ZFHX2: variants seen among roughly 807,000 people sequenced by gnomAD.
ZFHX2 encodes the protein zinc finger homeobox 2.
ZFHX2 carries 75 observed loss-of-function variants against 164.8 expected under a neutral mutation model. The ratio of observed to expected loss-of-function variants is 0.46; its 90% CI spans 0.38 to 0.55. The LOEUF is 0.55. Ranked by LOEUF, ZFHX2 falls within the 20% of genes least tolerant of loss-of-function variation. The probability of loss-of-function intolerance (pLI) is 0.00; values close to 1 mark genes in which losing one functional copy is unlikely to be tolerated. For synonymous variants in ZFHX2, 1,217 were observed against 1,351.4 expected, an observed-to-expected ratio of 0.90 and a Z score of 2.18; for missense variants, 2,933 against 3,308.0, an observed-to-expected ratio of 0.89 and a Z score of 2.78.
chr14:23,527,040 A>G, intron 7 of ZFHX2, 67 bp from the exon 8 acceptor site: 1 of 1,442,844 alleles, frequency 6.9e-7, no homozygotes, highest in Non-Finnish European at 9.1e-7. Flanking sequence ...CTCCTGACCC[A>G]TCTGCCCTAC....
Position 23,531,666 on chromosome 14 carries a change from C to G in ZFHX2, c.2615G>C (p.Cys872Ser), listed in dbSNP as rs1229201144. 2 of 1,494,770 alleles carry G rather than the reference C, an allele frequency of 1.3e-6. No homozygotes were observed. Among genetic ancestry groups the G allele is most frequent in the Admixed American group, 4.1e-5 (2 of 48,456 alleles). 92.6% of individuals were successfully genotyped at this position (1,494,770 alleles called of 1,614,324 possible). The change falls in exon 4 of 10, where the codon TGC becomes TCC. Residue 872 changes from cysteine to serine, a missense_variant. Cys to Ser is a moderately radical substitution (Grantham distance 112). Coordinates refer to ENST00000419474, the MANE Select transcript of ZFHX2 (RefSeq NM_033400.3). ...EAGAELGLYHCLLCAWETPSR... is the reference protein window; with the variant it reads ...EAGAELGLYHSLLCAWETPSR... The stretch of plus-strand genomic sequence containing the variant: ...GGGTGTCTCCCACGCACACAACAGG[C>G]AGTGGTATAGCCCCAGCTCTGCCCC...
rs1878344651 is a variant in ZFHX2, at chr14:23,523,739, T to C, written c.6203A>G (p.Tyr2068Cys). The change falls in exon 9 of 10, where the codon TAC (tyrosine) becomes TGC (cysteine). Residue 2068 changes from tyrosine (Y) to cysteine (C), a missense_variant. Physicochemically the swap from Tyr to Cys is radical, Grantham distance 194. Coordinates refer to ENST00000419474, the MANE Select transcript of ZFHX2 (RefSeq NM_033400.3). This position sits in a 1 kb window ranked among gnomAD's most constrained non-coding sequence, Gnocchi z 4.1. ...GVPDGMGQRRYRTQMSSLQLK... is the reference protein window; with the variant it reads ...GVPDGMGQRRCRTQMSSLQLK... ...CTGCAGGCTGCTCATCTGGGTCCTG[T>C]AGCGCCGCTGCCCCATTCCATCTGG... 1.3e-6 allele frequency: 2 copies of C among 1,536,136 alleles called. No individual in the cohort carries two copies. Among genetic ancestry groups the C allele is most frequent in the Admixed American group, 2.0e-5 (1 of 50,978 alleles).
Position 23,524,322 on chromosome 14 carries a change from G to A in ZFHX2, c.5620C>T (p.Arg1874Cys), listed in dbSNP as rs998761295. The change falls in exon 9 of 10, where the codon CGT (arginine) becomes TGT (cysteine). Residue 1874 changes from arginine (R) to cysteine (C), a missense_variant. Arg to Cys is a radical substitution (Grantham distance 180, BLOSUM62 -3). Transcript: ENST00000419474. This position sits in a 1 kb window ranked among gnomAD's most constrained non-coding sequence, Gnocchi z 5.6. Reference sequence around the variant, plus strand: ...GGGTTGGAATCCTGCATGTACCAACGGTACAGGATCTCTAGCTGCTCAGGC... The same window carrying A: ...GGGTTGGAATCCTGCATGTACCAACAGTACAGGATCTCTAGCTGCTCAGGC... ...ILPEQLEILYRWYMQDSNPTR... is the reference protein window; with the variant it reads ...ILPEQLEILYCWYMQDSNPTR... 4 of 1,536,200 alleles carry A rather than the reference G, an allele frequency of 2.6e-6. No homozygotes were observed. The highest frequency in any genetic ancestry group is 2.7e-5 in the African/African-American group (2 of 73,040).
chr14:23,554,445 C>G (rs976123157), upstream of ZFHX2, among the ~76,000 whole-genome samples: 5 of 152,070 alleles, frequency 3.3e-5, no homozygotes, highest in Non-Finnish European at 5.9e-5. Context: ...GTAGCAGGAT[C>G]GTAGCTCACT....
At position 23,526,362 on chromosome 14, in the gene ZFHX2, T is replaced by C; in HGVS notation, c.3580A>G (p.Thr1194Ala). 6.5e-7 allele frequency: 1 copy of C among 1,536,326 alleles called. No homozygotes were observed. The highest frequency in any genetic ancestry group is 8.7e-7 in the Non-Finnish European group (1 of 1,146,904). Residue 1194 changes from threonine (T) to alanine (A), a missense_variant, in exon 9 of 10, where the codon ACT becomes GCT. Coordinates refer to ENST00000419474, the MANE Select transcript of ZFHX2 (RefSeq NM_033400.3). ...TGGGTGAAGGACTCCTTACACACAGTGCACTTATAGGGCCGGGCAGGGTCG... is the reference window on the plus strand; with the variant it reads ...TGGGTGAAGGACTCCTTACACACAGCGCACTTATAGGGCCGGGCAGGGTCG... ...FLDPARPYKCTVCKESFTQKN... is the reference protein window; with the variant it reads ...FLDPARPYKCAVCKESFTQKN...
chr14:23,533,868 G>A lies in ZFHX2; in HGVS notation c.1458C>T (p.Cys486=), dbSNP rs1449901550. 6.5e-7 allele frequency: 1 copy of A among 1,538,134 alleles called. No homozygotes were observed. Among genetic ancestry groups the A allele is most frequent in the Admixed American group, 2.0e-5 (1 of 51,046 alleles). ...HPESNSHCSY[C]SAGGAHPRLA... The stretch of plus-strand genomic sequence containing the variant: ...GGCGGGGGTGGGCGCCCCCAGCACT[G>A]CAGTAGCTGCAGTGACTGTTGCTCT... The change falls in exon 2 of 10, where the codon TGC becomes TGT. Residue 486 remains cysteine, a synonymous_variant. Coordinates refer to ENST00000419474, the MANE Select transcript of ZFHX2 (RefSeq NM_033400.3). The surrounding 1 kb of genome is among the most constrained non-coding windows in gnomAD (Gnocchi z 4.8).
chr14:23,530,130 T>C lies in ZFHX2; in HGVS notation c.2865A>G (p.Thr955=). The C allele has an allele frequency of 6.5e-7, 1 of 1,536,066 alleles. No individual in the cohort carries two copies. The highest frequency in any genetic ancestry group is 1.4e-5 in the African/African-American group (1 of 73,096). Residue 955 remains threonine (T), a synonymous_variant, in exon 5 of 10, where the codon ACA becomes ACG. Coordinates refer to ENST00000419474, the MANE Select transcript of ZFHX2 (RefSeq NM_033400.3). ...PTPEKDAQNK[T]EQLASEETEN... is the part of the protein sequence containing the mutation. ...GGAGGGAAAACTCACCCAATTGTTC[T>C]GTCTTGTTCTGGGCATCTTTCTCAG...
chr14:23,525,631 G>A lies in ZFHX2; in HGVS notation c.4311C>T (p.Arg1437=). 1 of 1,535,902 alleles carries A rather than the reference G, an allele frequency of 6.5e-7. No homozygotes were observed. Among genetic ancestry groups the A allele is most frequent in the Middle Eastern group, 1.7e-4 (1 of 5,984 alleles). ...TTTCTAGAAGGGCTTTGGCTGCAGT[G>A]CGGGCAGCCTCGTTGGGCAATGGGT... ...PPDPLPNEAA[R]TAAKALLENF... The change falls in exon 9 of 10, where the codon CGC becomes CGT. Residue 1437 remains arginine, a synonymous_variant. Transcript: ENST00000419474. This position sits in a 1 kb window ranked among gnomAD's most constrained non-coding sequence, Gnocchi z 5.9.
Position 23,532,564 on chromosome 14 carries a change from C to T in ZFHX2, c.2559+3G>A. 7.0e-7 allele frequency: 1 copy of T among 1,437,278 alleles called. No individual in the cohort carries two copies. Among genetic ancestry groups the T allele is most frequent in the Non-Finnish European group, 9.1e-7 (1 of 1,098,860 alleles). 89.0% of individuals were successfully genotyped at this position (1,437,278 alleles called of 1,614,324 possible). A position where few individuals can be genotyped will look rare whatever the true frequency, so the allele number is the denominator to read the frequency against. On this transcript the variant is annotated splice_donor_region_variant and intron_variant, in intron 3 of 9. Transcript: ENST00000419474. ...CCGATGGCCCTTCCTGACCCAGCCT[C>T]ACCTTATAGATTTGGCTGTTTTCTT... is the stretch of plus-strand genomic sequence containing the variant.
At chr14:23,529,423 G>A in intron 6 of ZFHX2, 1 of 391,744 alleles carries the variant, frequency 2.6e-6, no homozygotes, top group Non-Finnish European at 4.7e-6. Flanking sequence ...CTTCCAGCAT[G>A]TACCCCCACT....
chr14:23,534,164 G>T lies in ZFHX2; in HGVS notation c.1162C>A (p.Pro388Thr), dbSNP rs537058360. The T allele has an allele frequency of 1.4e-6, 2 of 1,473,098 alleles. No individual in the cohort carries two copies. Among genetic ancestry groups the T allele is most frequent in the East Asian group, 2.5e-5 (1 of 40,428 alleles). The allele number at this position is 1,473,098 out of a possible 1,614,324, so 91.3% of individuals were successfully genotyped here. A position where few individuals can be genotyped will look rare whatever the true frequency, so the allele number is the denominator to read the frequency against. Residue 388 changes from proline to threonine, a missense_variant, in exon 2 of 10, where the codon CCA becomes ACA. Coordinates refer to ENST00000419474, the MANE Select transcript of ZFHX2 (RefSeq NM_033400.3). This position sits in a 1 kb window ranked among gnomAD's most constrained non-coding sequence, Gnocchi z 4.5. ...GQEEDGGLCP[P>T]LNQSSPTSKE... ...GAGGTGGGTGAGCTTTGGTTGAGTG[G>T]GGGGCAGAGCCCTCCATCCTCTTCT...
rs75803614 is a variant in ZFHX2 at position 23,546,032 on chromosome 14, A to G, written c.-50+5311T>C. 6.6e-4 allele frequency among the ~76,000 whole-genome samples: 101 copies of G among 152,352 alleles called. 3 individuals carry two copies. In the East Asian group the frequency reaches 0.018, roughly 27 times the overall value. ...AGCCCCAAAGGGAGAGGTCCAGGGC[A>G]GTTAGCTATGACTGGAGGAGGCACT... On this transcript the variant is annotated intron_variant, in intron 1 of 9. Transcript: ENST00000419474. The surrounding 1 kb of genome is among the most constrained non-coding windows in gnomAD (Gnocchi z 4.7).
In ZFHX2 at chr14:23,531,483, G is replaced by A. The variant is rs1240277864; in HGVS notation, c.2798C>T (p.Pro933Leu). The change falls in exon 4 of 10, where the codon CCC becomes CTC. Residue 933 changes from proline to leucine, a missense_variant and splice_region_variant. Coordinates refer to ENST00000419474, the MANE Select transcript of ZFHX2 (RefSeq NM_033400.3). Reference sequence around the variant, plus strand: ...TTCTCCAGTCCCTTCTTCCTCACCGGGAGTCCGGAGCTGCCCGTGGCTGAA... The same window carrying A: ...TTCTCCAGTCCCTTCTTCCTCACCGAGAGTCCGGAGCTGCCCGTGGCTGAA... ...LSFSHGQLRT[P>L]GKAPVTPLAE... The A allele has an allele frequency of 5.0e-6, 7 of 1,399,200 alleles. No individual in the cohort carries two copies. The highest frequency in any genetic ancestry group is 6.5e-6 in the Non-Finnish European group (7 of 1,069,370). The allele number at this position is 1,399,200 out of a possible 1,614,324, so 86.7% of individuals were successfully genotyped here. A position where few individuals can be genotyped will look rare whatever the true frequency, so the allele number is the denominator to read the frequency against.
chr14:23,538,529 G>C (rs577291144), intron 1 of ZFHX2, among the ~76,000 whole-genome samples: 1 of 152,088 alleles, frequency 6.6e-6, no homozygotes, highest in Non-Finnish European at 1.5e-5. Context: ...AAACGGACAG[G>C]CCTAAGAGTC....
chr14:23,522,467 G>A lies in ZFHX2; in HGVS notation c.7214C>T (p.Pro2405Leu). 6.5e-7 allele frequency: 1 copy of A among 1,535,886 alleles called. No individual in the cohort carries two copies. Among genetic ancestry groups the A allele is most frequent in the African/African-American group, 1.4e-5 (1 of 73,150 alleles). The change falls in exon 10 of 10, where the codon CCC becomes CTC. Residue 2405 changes from proline (P) to leucine (L), a missense_variant. Coordinates refer to ENST00000419474, the MANE Select transcript of ZFHX2 (RefSeq NM_033400.3). ...TGTGGCTGTGGGCTCAGGGGGCTGG[G>A]GTGGCGGCTGGAGGAGGGCATTGGG... ...LLPNALLQPP[P>L]QPPEPTATAP...
chr14:23,523,479 A>C lies in ZFHX2; in HGVS notation c.6463T>G (p.Tyr2155Asp). The C allele has an allele frequency of 6.5e-7, 1 of 1,536,232 alleles. No individual in the cohort carries two copies. Among genetic ancestry groups the C allele is most frequent in the Admixed American group, 2.0e-5 (1 of 50,996 alleles). The stretch of plus-strand genomic sequence containing the variant: ...CCTCGGCAGGAGACATAGAAATCAT[A>C]CTTGACATCACAATAGGGGCAGTCA... Reference protein sequence around the residue: ...RTDCPYCDVKYDFYVSCRGHL... With the variant: ...RTDCPYCDVKDDFYVSCRGHL... Residue 2155 changes from tyrosine (Y) to aspartate (D), a missense_variant, in exon 9 of 10, where the codon TAT (tyrosine) becomes GAT (aspartate). Tyr to Asp is a radical substitution (Grantham distance 160, BLOSUM62 -3). Coordinates refer to ENST00000419474, the MANE Select transcript of ZFHX2 (RefSeq NM_033400.3). This position sits in a 1 kb window ranked among gnomAD's most constrained non-coding sequence, Gnocchi z 4.1.
Position 23,521,777 on chromosome 14 carries a change from G to T in ZFHX2, c.*185C>A. 9.6e-7 allele frequency: 1 copy of T among 1,042,046 alleles called. No homozygotes were observed. The highest frequency in any genetic ancestry group is 1.3e-6 in the Non-Finnish European group (1 of 745,174). 64.5% of individuals were successfully genotyped at this position (1,042,046 alleles called of 1,614,324 possible). ...ATCAATGTGTGTGTCTGTGGGGATT[G>T]GGAGGAGGCAGGACTCTGCTGGAAG... On this transcript the variant is annotated 3_prime_UTR_variant, in exon 10 of 10. Coordinates refer to ENST00000419474, the MANE Select transcript of ZFHX2 (RefSeq NM_033400.3).
upstream of ZFHX2, among the ~76,000 whole-genome samples, chr14:23,555,000 T>G (rs1031943890): frequency 1.3e-5 from 2 of 152,184 alleles, no homozygotes; most frequent in Non-Finnish European, 2.9e-5. Flanking sequence ...TTTATTTTTT[T>G]GGGGACAGAT....
In ZFHX2 at chr14:23,523,050, A is replaced by G. The variant is rs1374062607; in HGVS notation, c.6740-109T>C. ...CACCCGTTCCCAGCACCGGATTTCC[A>G]TGCCCCTTCCCTCCCTTCTTTCCCC... On this transcript the variant is annotated intron_variant, in intron 9 of 9. Transcript: ENST00000419474. This position sits in a 1 kb window ranked among gnomAD's most constrained non-coding sequence, Gnocchi z 4.1. The G allele has an allele frequency of 3.6e-6, 5 of 1,403,708 alleles. No individual in the cohort carries two copies. The highest frequency in any genetic ancestry group is 4.6e-6 in the Non-Finnish European group (5 of 1,083,738). The allele number at this position is 1,403,708 out of a possible 1,614,324, so 87.0% of individuals were successfully genotyped here. A position where few individuals can be genotyped will look rare whatever the true frequency, so the allele number is the denominator to read the frequency against.
Sources: gnomAD v4.1 joint callset for allele counts (sites outside exome capture counted in the v4.1 genomes callset) on GRCh38, gnomAD v4.1.1 for gene constraint, Gnocchi (gnomAD v3.1) non-coding constraint, MANE v1.5 for transcripts, NCBI Gene and HGNC (gene_info 2026-07-23, HGNC 2026-07-21) for gene names.